The following TOM1L2 variants were observed in gnomAD, a reference collection of about 807,000 sequenced individuals.
TOM1L2 encodes TOM1-like protein 2.
In TOM1L2, 31 loss-of-function variants were observed where a neutral mutation model predicts 67.9. The observed-to-expected ratio is 0.46, with a 90% confidence interval of 0.34 to 0.62. The LOEUF (loss-of-function observed/expected upper bound fraction) is 0.62. Among genes scored for constraint, TOM1L2 ranks in the 20% least tolerant of loss-of-function variants. The pLI, the probability that TOM1L2 is intolerant of heterozygous loss-of-function variation, is 0.01. For synonymous variants in TOM1L2, 256 were observed against 254.0 expected (o/e 1.01, Z -0.07); for missense variants, 606 against 663.5 (o/e 0.91, Z 0.95).
intron 3 of TOM1L2, among the ~76,000 whole-genome samples, chr17:17,896,176 C>T (rs1366997741): frequency 6.6e-6 from 1 of 152,066 alleles, no homozygotes; most frequent in Non-Finnish European, 1.5e-5. Context: ...CAGAGGGGTT[C>T]TTTCTGTTCT....
rs548415636 is a variant in TOM1L2 at position 17,851,070 on chromosome 17, G to A, written c.1279-118C>T. The A allele has an allele frequency of 4.3e-6, 5 of 1,150,364 alleles. No individual in the cohort carries two copies. The African/African-American group carries it at 6.1e-5, about 14-fold the overall frequency. 71.3% of individuals were successfully genotyped at this position (1,150,364 alleles called of 1,614,324 possible). A position where few individuals can be genotyped will look rare whatever the true frequency, so the allele number is the denominator to read the frequency against. On this transcript the variant is annotated intron_variant, in intron 12 of 14. Transcript: ENST00000379504. Reference sequence around the variant, plus strand: ...CCCAAATAAAACCAAAATGTACACAGAGCAAAAAAACACAATTGGCACAGC... The same window carrying A: ...CCCAAATAAAACCAAAATGTACACAAAGCAAAAAAACACAATTGGCACAGC...
At chr17:17,932,639 A>G (rs2040379077) in intron 1 of TOM1L2, among the ~76,000 whole-genome samples, 1 of 152,164 alleles carries the variant, frequency 6.6e-6, no homozygotes, top group African/African-American at 2.4e-5. Context: ...GTGGTGGGGA[A>G]TGTACTTTGG....
intron 1 of TOM1L2, among the ~76,000 whole-genome samples, chr17:17,932,204 A>C (rs988789458): frequency 6.6e-6 from 1 of 152,246 alleles, no homozygotes; most frequent in Non-Finnish European, 1.5e-5. Flanking sequence ...AAATCTATGG[A>C]AAAAGCTAAT....
rs151155378 is a variant in TOM1L2, at chr17:17,884,717, T to A, written c.418A>T (p.Ile140Leu). The A allele has an allele frequency of 2.5e-6, 4 of 1,613,928 alleles. No homozygotes were observed. The highest frequency in any genetic ancestry group is 2.5e-6 in the Non-Finnish European group (3 of 1,180,024). The change falls in exon 5 of 15, where the codon ATA becomes TTA. Residue 140 changes from isoleucine (I) to leucine (L), a missense_variant. Physicochemically the swap from Ile to Leu is conservative, Grantham distance 5. Coordinates refer to ENST00000379504, the MANE Select transcript of TOM1L2 (RefSeq NM_001082968.2). ...SSPDLTGVVH[I>L]YEELKRKGVE... is the part of the protein sequence containing the mutation. ...CCTTTCCTCTTCAGCTCCTCATATA[T>A]GTGCACAACGCCGGTGAGATCAGGA...
At chr17:17,962,024 A>T (rs1475408299) in intron 1 of TOM1L2, among the ~76,000 whole-genome samples, 1 of 152,234 alleles carries the variant, frequency 6.6e-6, no homozygotes. Flanking sequence ...CACACAATGG[A>T]ATATTATACA....
chr17:17,866,233 G>A, intron 10 of TOM1L2, 63 bp downstream of exon 10: 4 of 1,520,022 alleles, frequency 2.6e-6, no homozygotes, highest in Non-Finnish European at 3.5e-6. Flanking sequence ...AAAGAGAGGT[G>A]GCCTGCAAGG....
intron 7 of TOM1L2, among the ~76,000 whole-genome samples, chr17:17,878,596 C>G (rs2037545986): frequency 1.3e-5 from 2 of 152,202 alleles, no homozygotes; most frequent in Admixed American, 1.3e-4. Flanking sequence ...CATGTGCCAG[C>G]AGCAGGGTAG....
chr17:17,933,519 C>T (rs1041844288), intron 1 of TOM1L2, among the ~76,000 whole-genome samples: 8 of 152,266 alleles, frequency 5.3e-5, no homozygotes, highest in African/African-American at 1.9e-4. Flanking sequence ...TCCCTTGGGG[C>T]CTCTTTCCCT....
chr17:17,971,651 C>T (rs2145125508), intron 1 of TOM1L2, among the ~76,000 whole-genome samples: 1 of 151,644 alleles, frequency 6.6e-6, no homozygotes, highest in East Asian at 1.9e-4. Flanking sequence ...GAACTGGGTC[C>T]TTGGGGCAGT....
At chr17:17,879,485 G>A in intron 7 of TOM1L2, 142 bp downstream of exon 7, 1 of 647,714 alleles carries the variant, frequency 1.5e-6, no homozygotes, top group Non-Finnish European at 2.8e-6. Context: ...ACGTGAGGCT[G>A]CATGTGTGCT....
chr17:17,966,528 C>G (rs1023821959), intron 1 of TOM1L2, among the ~76,000 whole-genome samples: 1 of 152,176 alleles, frequency 6.6e-6, no homozygotes, highest in African/African-American at 2.4e-5. Flanking sequence ...CACCCCAAAC[C>G]TACTGAAACA....
At chr17:17,943,134 G>A (rs2040805061) in intron 1 of TOM1L2, among the ~76,000 whole-genome samples, 1 of 152,098 alleles carries the variant, frequency 6.6e-6, no homozygotes, top group Non-Finnish European at 1.5e-5. Context: ...ATCTATGCTT[G>A]AAATTTTCTA....
At chr17:17,852,737 C>T (rs921196824) in intron 12 of TOM1L2, among the ~76,000 whole-genome samples, 1 of 151,910 alleles carries the variant, frequency 6.6e-6, no homozygotes, top group East Asian at 1.9e-4. Flanking sequence ...TGGTGGTATG[C>T]GCCTGTAGTC....
intron 1 of TOM1L2, among the ~76,000 whole-genome samples, chr17:17,929,104 T>G (rs1327846898): frequency 6.6e-6 from 1 of 152,232 alleles, no homozygotes; most frequent in Non-Finnish European, 1.5e-5. Context: ...TTAAAAATGC[T>G]GCATGGCTGC....
chr17:17,875,604 G>T (rs543488368), intron 7 of TOM1L2, among the ~76,000 whole-genome samples: 5 of 152,232 alleles, frequency 3.3e-5, no homozygotes, highest in Non-Finnish European at 7.3e-5. Context: ...GGGAAGAACA[G>T]CTGGTCACTT....
chr17:17,862,660 C>T, intron 11 of TOM1L2, 71 bp downstream of exon 11: 1 of 1,308,934 alleles, frequency 7.6e-7, no homozygotes, highest in East Asian at 2.3e-5. Context: ...CCTTTTTGTG[C>T]TGGCCTGTGA....
chr17:17,962,596 G>A (rs568342746), intron 1 of TOM1L2, among the ~76,000 whole-genome samples: 2 of 152,056 alleles, frequency 1.3e-5, no homozygotes, highest in East Asian at 3.9e-4. Flanking sequence ...TTAAAGGCAT[G>A]AGCCACCGCG....
chr17:17,948,164 A>G (rs1411307485), intron 1 of TOM1L2, among the ~76,000 whole-genome samples: 1 of 152,212 alleles, frequency 6.6e-6, no homozygotes, highest in East Asian at 1.9e-4. Flanking sequence ...AAATAGTTTC[A>G]TTTTGAAAGA....
chr17:17,924,900 T>G (rs1249548633), intron 1 of TOM1L2, among the ~76,000 whole-genome samples: 1 of 152,232 alleles, frequency 6.6e-6, no homozygotes, highest in African/African-American at 2.4e-5. Context: ...AAATCTTATG[T>G]TGAATTGTAG....
Sources: allele counts gnomAD v4.1 joint callset (sites outside exome capture counted in the v4.1 genomes callset), GRCh38; gene constraint gnomAD v4.1.1; transcripts MANE v1.5; gene names NCBI Gene and HGNC (gene_info 2026-07-23, HGNC 2026-07-21).